ELAVL4: variants seen among roughly 807,000 people sequenced by gnomAD.
ELAVL4 encodes the protein ELAV-like protein 4.
Under a neutral mutation model 35.6 loss-of-function variants are expected in ELAVL4, and 1 was observed. The observed-to-expected ratio is 0.03, with a 90% confidence interval of 0.01 to 0.13. The LOEUF (loss-of-function observed/expected upper bound fraction) is 0.13. ELAVL4 is among the 10% of genes least tolerant of loss of function. The pLI, the probability that ELAVL4 is intolerant of heterozygous loss-of-function variation, is 1.00. For missense variants in ELAVL4, 267 were observed against 464.9 expected (o/e 0.57, Z 3.91); for synonymous variants, 156 against 171.0 (o/e 0.91, Z 0.69).
At chr1:50,153,636 T>C (rs1675191357) in intron 2 of ELAVL4, among the ~76,000 whole-genome samples, 1 of 152,214 alleles carries the variant, frequency 6.6e-6, no homozygotes, top group South Asian at 2.1e-4. Context: ...GATTAGATTG[T>C]AGGAGACCAG....
intron 2 of ELAVL4, among the ~76,000 whole-genome samples, chr1:50,154,041 A>C (rs1675282423): frequency 6.6e-6 from 1 of 152,214 alleles, no homozygotes; most frequent in African/African-American, 2.4e-5. Flanking sequence ...TTCTTATAGT[A>C]GCCCAAGCTG....
intron 1 of ELAVL4, among the ~76,000 whole-genome samples, chr1:50,110,919 C>T (rs1162830617): frequency 6.6e-6 from 1 of 151,580 alleles, no homozygotes; most frequent in African/African-American, 2.4e-5. Flanking sequence ...GAGGAGAAGC[C>T]GAGTAGGGAG....
At chr1:50,061,307 A>T (rs1286162100) in intron 1 of ELAVL4, among the ~76,000 whole-genome samples, 1 of 152,188 alleles carries the variant, frequency 6.6e-6, no homozygotes, top group Non-Finnish European at 1.5e-5. Flanking sequence ...AAGGCAAGGC[A>T]TGTACTCTCC....
chr1:50,110,026 T>G, intron 1 of ELAVL4: 1 of 1,567,248 alleles, frequency 6.4e-7, no homozygotes, highest in South Asian at 1.1e-5. Context: ...TGTGTGTGTG[T>G]GCTTGTATGT....
chr1:50,050,783 T>C (rs1192000472), intron 1 of ELAVL4, among the ~76,000 whole-genome samples: 6 of 152,180 alleles, frequency 3.9e-5, no homozygotes, highest in Non-Finnish European at 8.8e-5. Context: ...TATTATAATA[T>C]CCATCCATTA....
chr1:50,175,232 A>G (rs1314169459), intron 2 of ELAVL4, among the ~76,000 whole-genome samples: 1 of 152,160 alleles, frequency 6.6e-6, no homozygotes, highest in East Asian at 1.9e-4. Context: ...TAGGTGAATT[A>G]TTTAGCTAGG....
chr1:50,088,337 C>T (rs925277774), intron 1 of ELAVL4, among the ~76,000 whole-genome samples: 1 of 152,164 alleles, frequency 6.6e-6, no homozygotes, highest in African/African-American at 2.4e-5. Flanking sequence ...AGCATCACTG[C>T]ACTATTTTTG....
chr1:50,180,278 T>G (rs948224596), intron 3 of ELAVL4: 4 of 152,160 alleles, frequency 2.6e-5, no homozygotes, highest in Non-Finnish European at 5.9e-5. Flanking sequence ...AATTTGAAAC[T>G]TTTTGAGCAC....
At chr1:50,197,154 A>G (rs886166452) in intron 5 of ELAVL4, among the ~76,000 whole-genome samples, 1 of 149,374 alleles carries the variant, frequency 6.7e-6, no homozygotes, top group Non-Finnish European at 1.5e-5. Context: ...ATCCACACAA[A>G]TGTTCTGAGA....
intron 3 of ELAVL4, among the ~76,000 whole-genome samples, chr1:50,182,744 C>G (rs907641456): frequency 3.9e-5 from 6 of 152,134 alleles, no homozygotes; most frequent in African/African-American, 1.4e-4. Context: ...CTTATCCACT[C>G]ATTTTTAAAG....
intron 1 of ELAVL4, among the ~76,000 whole-genome samples, chr1:50,079,178 C>T (rs1664893894): frequency 6.6e-6 from 1 of 152,180 alleles, no homozygotes; most frequent in Non-Finnish European, 1.5e-5. Flanking sequence ...CCTCCTGCCT[C>T]AGCCTCCCAA....
intron 1 of ELAVL4, among the ~76,000 whole-genome samples, chr1:50,142,394 G>T (rs1455857494): frequency 6.6e-6 from 1 of 152,002 alleles, no homozygotes; most frequent in African/African-American, 2.4e-5. Context: ...ATAGAGACTG[G>T]GTTTCTCCAT....
At position 50,109,155 on chromosome 1, in the gene ELAVL4, C is replaced by T. The variant is rs746235538; in HGVS notation, c.-35C>T. 4 of 1,605,486 alleles carry T rather than the reference C, an allele frequency of 2.5e-6. No homozygotes were observed. Among genetic ancestry groups the T allele is most frequent in the Non-Finnish European group, 3.4e-6 (4 of 1,176,944 alleles). On this transcript the variant is annotated 5_prime_UTR_variant, in exon 1 of 7. Coordinates refer to ENST00000371824, the MANE Select transcript of ELAVL4 (RefSeq NM_001144774.3). The stretch of plus-strand genomic sequence containing the variant: ...TCTTTGCAAATTTTAACAGAAGAGT[C>T]GAAGCTCTGCGAGACCCAATATTTG...
intron 1 of ELAVL4, among the ~76,000 whole-genome samples, chr1:50,130,249 T>G (rs564782287): frequency 2.0e-5 from 3 of 152,246 alleles, no homozygotes; most frequent in Admixed American, 2.0e-4. Flanking sequence ...CATTTCATAG[T>G]GATAGGAAAA....
At chr1:50,190,653 T>C (rs1384527895) in intron 3 of ELAVL4, among the ~76,000 whole-genome samples, 1 of 152,208 alleles carries the variant, frequency 6.6e-6, no homozygotes, top group African/African-American at 2.4e-5. Flanking sequence ...TAATTCTCCC[T>C]AGCTGAGATT....
chr1:50,201,902 A>G lies in ELAVL4; in HGVS notation c.*724A>G, dbSNP rs1024292707. 1 of 152,088 alleles carries G rather than the reference A, an allele frequency of 6.6e-6. No individual in the cohort carries two copies. Among genetic ancestry groups the G allele is most frequent in the African/African-American group, 2.4e-5 (1 of 41,396 alleles). 9.4% of individuals were successfully genotyped at this position (152,088 alleles called of 1,614,324 possible). A position where few individuals can be genotyped will look rare whatever the true frequency, so the allele number is the denominator to read the frequency against. On this transcript the variant is annotated 3_prime_UTR_variant, in exon 7 of 7. Transcript: ENST00000371824. The surrounding 1 kb of genome is among the most constrained non-coding windows in gnomAD (Gnocchi z 4.3). ...GGTCTCTTTGCTGAAAATGGGTTTCAAGAAAAATCTATTTTTATAAAATAT... is the reference window on the plus strand; with the variant it reads ...GGTCTCTTTGCTGAAAATGGGTTTCGAGAAAAATCTATTTTTATAAAATAT...
chr1:50,063,372 G>A (rs1165455503), intron 1 of ELAVL4, among the ~76,000 whole-genome samples: 1 of 151,912 alleles, frequency 6.6e-6, no homozygotes, highest in East Asian at 1.9e-4. Flanking sequence ...ATATTTCCTG[G>A]TCATTGTCTA....
At chr1:50,067,882 G>A (rs111583249) in intron 1 of ELAVL4, among the ~76,000 whole-genome samples, 244 of 152,166 alleles carry the variant, frequency 1.6e-3, no homozygotes, top group Non-Finnish European at 2.7e-3. Flanking sequence ...AGCAAAAGGT[G>A]GAAAAGCCCC....
Position 50,202,484 on chromosome 1 carries a change from G to A in ELAVL4, c.*1306G>A, listed in dbSNP as rs1257198409. 1 of 152,128 alleles carries A rather than the reference G, an allele frequency of 6.6e-6. No homozygotes were observed. The highest frequency in any genetic ancestry group is 1.5e-5 in the Non-Finnish European group (1 of 68,004). The allele number at this position is 152,128 out of a possible 1,614,324, so 9.4% of individuals were successfully genotyped here. On this transcript the variant is annotated 3_prime_UTR_variant, in exon 7 of 7. Transcript: ENST00000371824. ...GCCCATGCTGATAGAATTGGGCTGT[G>A]TTGGTACATTTGAAACACTGTTTAT...
Sources: gnomAD v4.1 joint callset for allele counts (sites outside exome capture counted in the v4.1 genomes callset) on GRCh38, gnomAD v4.1.1 for gene constraint, Gnocchi (gnomAD v3.1) non-coding constraint, MANE v1.5 for transcripts, NCBI Gene and HGNC (gene_info 2026-07-23, HGNC 2026-07-21) for gene names.